The following GXYLT1 variants were observed in gnomAD, a reference collection of about 807,000 sequenced individuals.
The protein encoded by GXYLT1 is glucoside xylosyltransferase 1, also known as glycosyltransferase 8 domain containing 3.
A neutral mutation model predicts 54.0 loss-of-function variants in GXYLT1; 29 were observed. The ratio of observed to expected loss-of-function variants is 0.54; its 90% CI spans 0.40 to 0.73. The LOEUF (loss-of-function observed/expected upper bound fraction) is 0.73. Among genes scored for constraint, GXYLT1 ranks in the 30% least tolerant of loss-of-function variants. GXYLT1 has a pLI of 0.00. For synonymous variants in GXYLT1, 176 were observed against 204.1 expected, an observed-to-expected ratio of 0.86 and a Z score of 1.17; for missense variants, 490 against 553.4, an observed-to-expected ratio of 0.89 and a Z score of 1.15.
At chr12:42,143,286 T>C (rs187510849) in intron 1 of GXYLT1, among the ~76,000 whole-genome samples, 6 of 152,318 alleles carry the variant, frequency 3.9e-5, no homozygotes, top group African/African-American at 1.2e-4. Context: ...AACCTGTCAT[T>C]TTTCACGAGC....
At chr12:42,138,640 T>C (rs1483048650) in intron 1 of GXYLT1, among the ~76,000 whole-genome samples, 2 of 152,154 alleles carry the variant, frequency 1.3e-5, no homozygotes, top group African/African-American at 4.8e-5. Context: ...ATAAACCTCA[T>C]ACAGTACACA....
chr12:42,103,124 A>C (rs2065399624), intron 5 of GXYLT1, among the ~76,000 whole-genome samples: 1 of 151,554 alleles, frequency 6.6e-6, no homozygotes, highest in African/African-American at 2.4e-5. Context: ...TGCACAGCTC[A>C]TTTTTTCTAT....
chr12:42,108,477 A>G (rs193138992), intron 4 of GXYLT1, among the ~76,000 whole-genome samples: 64 of 152,270 alleles, frequency 4.2e-4, no homozygotes, highest in African/African-American at 1.4e-3. Flanking sequence ...GCACTCACAT[A>G]TTAATTAAAT....
chr12:42,104,557 TA>T (rs10713678), intron 5 of GXYLT1, among the ~76,000 whole-genome samples: 111,060 of 145,610 alleles, frequency 0.76, 42,130 homozygotes, highest in African/African-American at 0.83. Context: ...AAGGGAAAGC[TA>T]AAAAAAAAAA....
chr12:42,110,392 G>C (rs776632716), intron 3 of GXYLT1, among the ~76,000 whole-genome samples: 2 of 152,038 alleles, frequency 1.3e-5, no homozygotes, highest in African/African-American at 4.8e-5. Context: ...AATCTATGGG[G>C]GGGAAAAAAC....
At position 42,111,152 on chromosome 12, in the gene GXYLT1, A is replaced by G. The variant is rs558556816; in HGVS notation, c.487-1461T>C. 5.3e-5 allele frequency among the ~76,000 whole-genome samples: 8 copies of G among 152,338 alleles called. No homozygotes were observed. The East Asian group carries it at 1.5e-3, about 29-fold the overall frequency. On this transcript the variant is annotated intron_variant, in intron 3 of 7. Transcript: ENST00000398675. ...TATTTTAAAAAACAATCCAGGGAGG[A>G]GCCAAGATGGCCGAATAGGAACAGC...
intron 7 of GXYLT1, among the ~76,000 whole-genome samples, chr12:42,093,320 C>G (rs1010366493): frequency 1.3e-5 from 2 of 152,132 alleles, no homozygotes; most frequent in Non-Finnish European, 2.9e-5. Flanking sequence ...AGGCTGGTCT[C>G]GAACTCCTGA....
At chr12:42,108,124 T>C (rs2136891983) in intron 4 of GXYLT1, among the ~76,000 whole-genome samples, 1 of 152,362 alleles carries the variant, frequency 6.6e-6, no homozygotes, top group Middle Eastern at 3.4e-3. Context: ...AGGTTTCAAG[T>C]AGTTCTTGTA....
Position 42,144,663 on chromosome 12 carries a change from C to T in GXYLT1, c.-17G>A. On this transcript the variant is annotated 5_prime_UTR_variant, in exon 1 of 8. Coordinates refer to ENST00000398675, the MANE Select transcript of GXYLT1 (RefSeq NM_173601.2). ...GCGCCGCATCGCCCCGGCCGCGCTCCTCCTTCGCCGCCGCCGCCGCGCCCG... is the reference window on the plus strand; with the variant it reads ...GCGCCGCATCGCCCCGGCCGCGCTCTTCCTTCGCCGCCGCCGCCGCGCCCG... 1 of 1,415,050 alleles carries T rather than the reference C, an allele frequency of 7.1e-7. No homozygotes were observed. The highest frequency in any genetic ancestry group is 9.3e-7 in the Non-Finnish European group (1 of 1,080,130). 87.7% of individuals were successfully genotyped at this position (1,415,050 alleles called of 1,614,324 possible).
intron 5 of GXYLT1, among the ~76,000 whole-genome samples, chr12:42,100,361 T>C (rs1195379184): frequency 6.6e-6 from 1 of 152,190 alleles, no homozygotes; most frequent in Non-Finnish European, 1.5e-5. Flanking sequence ...AACAGTTTTA[T>C]GTGTACTTAA....
rs1208312955 is a variant in GXYLT1, at chr12:42,129,684, C to G, written c.314+75G>C. Reference sequence around the variant, plus strand: ...AATATCATAAGAAACATTCTTACATCCTATTACAAAGGTTTTATTATCAAC... The same window carrying G: ...AATATCATAAGAAACATTCTTACATGCTATTACAAAGGTTTTATTATCAAC... On this transcript the variant is annotated intron_variant, in intron 2 of 7. Coordinates refer to ENST00000398675, the MANE Select transcript of GXYLT1 (RefSeq NM_173601.2). 1.7e-5 allele frequency: 14 copies of G among 827,146 alleles called. No individual in the cohort carries two copies. In the East Asian group the frequency reaches 3.2e-4, roughly 19 times the overall value. 51.2% of individuals were successfully genotyped at this position (827,146 alleles called of 1,614,324 possible).
At chr12:42,092,716 C>A (rs928281799) in intron 7 of GXYLT1, among the ~76,000 whole-genome samples, 19 of 152,066 alleles carry the variant, frequency 1.2e-4, no homozygotes, top group Admixed American at 1.0e-3. Flanking sequence ...AATACTTAAG[C>A]ATAAACTTAA....
intron 7 of GXYLT1, among the ~76,000 whole-genome samples, chr12:42,090,088 G>A (rs1311045030): frequency 1.4e-5 from 2 of 139,084 alleles, no homozygotes; most frequent in African/African-American, 5.5e-5. Context: ...AGTGTTTGTG[G>A]TTAAAAAATG....
intron 1 of GXYLT1, among the ~76,000 whole-genome samples, chr12:42,143,253 T>C (rs1332961951): frequency 2.0e-5 from 3 of 152,192 alleles, no homozygotes; most frequent in African/African-American, 4.8e-5. Flanking sequence ...AATAACATAC[T>C]AGGCCATAAA....
chr12:42,097,563 A>G lies in GXYLT1; in HGVS notation c.1040T>C (p.Ile347Thr), dbSNP rs2065363117. Reference protein sequence around the residue: ...CQWNYRPDHCIYGSNCQEAEE... With the variant: ...CQWNYRPDHCTYGSNCQEAEE... ...TGCTTCTTGGCAATTGCTTCCATAT[A>G]TACAATGATCTGGTCGATAATTCCA... The change falls in exon 7 of 8, where the codon ATA (isoleucine) becomes ACA (threonine). Residue 347 changes from isoleucine to threonine, a missense_variant. Ile to Thr is a moderately conservative substitution (Grantham distance 89). This residue lies in a region of GXYLT1 where 342 missense variants were observed against 342.6 expected (regional missense o/e 1.00). Transcript: ENST00000398675. 6.2e-7 allele frequency: 1 copy of G among 1,612,320 alleles called. No individual in the cohort carries two copies.
At chr12:42,109,111 A>G (rs1025633731) in intron 4 of GXYLT1, among the ~76,000 whole-genome samples, 1 of 152,210 alleles carries the variant, frequency 6.6e-6, no homozygotes, top group African/African-American at 2.4e-5. Flanking sequence ...TTTCTGTTTA[A>G]GTATCAGTTA....
chr12:42,111,434 T>A (rs824693), intron 3 of GXYLT1, among the ~76,000 whole-genome samples: 3,699 of 152,262 alleles, frequency 0.024, 156 homozygotes, highest in African/African-American at 0.084. Context: ...CCCACCCTAA[T>A]ACTGCGCTTT....
chr12:42,124,851 A>T (rs1214150399), intron 2 of GXYLT1, among the ~76,000 whole-genome samples: 1 of 152,190 alleles, frequency 6.6e-6, no homozygotes, highest in African/African-American at 2.4e-5. Context: ...AATAGAAAAA[A>T]ACTGAGATTG....
In GXYLT1 at chr12:42,094,832, G is replaced by T. The variant is rs112455943; in HGVS notation, c.1161+2610C>A. On this transcript the variant is annotated intron_variant, in intron 7 of 7. Coordinates refer to ENST00000398675, the MANE Select transcript of GXYLT1 (RefSeq NM_173601.2). ...TTTTAACAATTAAAGGGAGGAGAGG[G>T]CAAGAAAGCCCAAACGCCCTCATGG... 4.5e-3 allele frequency among the ~76,000 whole-genome samples: 692 copies of T among 152,158 alleles called. 8 individuals are homozygous for T. The highest frequency in any genetic ancestry group is 0.016 in the African/African-American group (676 of 41,536).
Sources: gnomAD v4.1 joint callset for allele counts (sites outside exome capture counted in the v4.1 genomes callset) on GRCh38, gnomAD v4.1.1 for gene constraint, gnomAD v4.1.1 regional missense constraint, MANE v1.5 for transcripts, NCBI Gene and HGNC (gene_info 2026-07-23, HGNC 2026-07-21) for gene names.